WDR35: variants seen among roughly 807,000 people sequenced by gnomAD.
WDR35 encodes the protein WD repeat-containing protein 35.
Under a neutral mutation model 158.3 loss-of-function variants are expected in WDR35, and 118 were observed. The observed-to-expected ratio is 0.75, with a 90% CI of 0.64 to 0.87. The LOEUF (loss-of-function observed/expected upper bound fraction) is 0.87. Among genes scored for constraint, WDR35 ranks in the 40% least tolerant of loss-of-function variants. The pLI is 0.00. For synonymous variants in WDR35, 448 were observed against 476.1 expected (o/e 0.94, Z 0.77); for missense variants, 1,263 against 1,405.8 (o/e 0.90, Z 1.62).
intron 19 of WDR35, among the ~76,000 whole-genome samples, chr2:19,936,593 T>G (rs1004295263): frequency 6.6e-6 from 1 of 152,158 alleles, no homozygotes; most frequent in Non-Finnish European, 1.5e-5. Flanking sequence ...AAACTTAATC[T>G]CCATTGTGGT....
intron 5 of WDR35, 36 bp downstream of exon 5, chr2:19,978,715 T>C (rs1672288413): frequency 6.2e-7 from 1 of 1,613,080 alleles, no homozygotes; most frequent in Non-Finnish European, 8.5e-7. Flanking sequence ...GTCAGCCAGA[T>C]ATTGATCTTA....
chr2:19,988,749 T>G (rs1368843506), intron 2 of WDR35, among the ~76,000 whole-genome samples: 1 of 152,202 alleles, frequency 6.6e-6, no homozygotes, highest in African/African-American at 2.4e-5. Flanking sequence ...GTATCCCATT[T>G]TCTGTTCTTG....
intron 25 of WDR35, among the ~76,000 whole-genome samples, chr2:19,921,444 C>A (rs953737297): frequency 6.6e-6 from 1 of 152,166 alleles, no homozygotes; most frequent in Non-Finnish European, 1.5e-5. Context: ...ACCATCTGAT[C>A]TTTGAGAAAC....
intron 25 of WDR35, among the ~76,000 whole-genome samples, chr2:19,915,517 A>C (rs865927593): frequency 2.0e-5 from 3 of 152,002 alleles, no homozygotes; most frequent in Middle Eastern, 6.9e-3. Context: ...TTGTTCTTTT[A>C]AGTCTAGAAA....
At chr2:19,958,568 G>A (rs535796172) in intron 11 of WDR35, among the ~76,000 whole-genome samples, 123 of 152,250 alleles carry the variant, frequency 8.1e-4, no homozygotes, top group Non-Finnish European at 1.3e-3. Flanking sequence ...TTGATAGTTT[G>A]CTAAATAAAT....
intron 9 of WDR35, among the ~76,000 whole-genome samples, chr2:19,967,680 T>C (rs1182148194): frequency 6.6e-6 from 1 of 152,126 alleles, no homozygotes; most frequent in Non-Finnish European, 1.5e-5. Flanking sequence ...CTAAACCATG[T>C]TTAGCTTTTT....
chr2:19,912,072 A>G lies in WDR35; in HGVS notation c.*1486T>C, dbSNP rs1273198342. The G allele has an allele frequency of 6.6e-6, 1 of 152,214 alleles. No homozygotes were observed. 9.4% of individuals were successfully genotyped at this position (152,214 alleles called of 1,614,324 possible). ...TATTAGGGGAAAGCGTATGTGACAGAATGTGAGTCAGGACATAAAAACATT... is the reference window on the plus strand; with the variant it reads ...TATTAGGGGAAAGCGTATGTGACAGGATGTGAGTCAGGACATAAAAACATT... On this transcript the variant is annotated 3_prime_UTR_variant, in exon 27 of 27. Transcript: ENST00000281405.
In WDR35 at chr2:19,912,394, C is replaced by T. The variant is rs1411070064; in HGVS notation, c.*1164G>A. The T allele has an allele frequency of 6.6e-6, 1 of 152,134 alleles. No homozygotes were observed. The highest frequency in any genetic ancestry group is 1.9e-4 in the East Asian group (1 of 5,192). The allele number at this position is 152,134 out of a possible 1,614,324, so 9.4% of individuals were successfully genotyped here. A position where few individuals can be genotyped will look rare whatever the true frequency, so the allele number is the denominator to read the frequency against. ...TTCTGGTCTTCTCTTTTTATTTAGG[C>T]CAATGAGCCCACTCTCTATCCTAAG... is the stretch of plus-strand genomic sequence containing the variant. On this transcript the variant is annotated 3_prime_UTR_variant, in exon 27 of 27. Coordinates refer to ENST00000281405, the MANE Select transcript of WDR35 (RefSeq NM_020779.4).
intron 9 of WDR35, among the ~76,000 whole-genome samples, chr2:19,968,063 G>C (rs988588882): frequency 2.1e-4 from 32 of 152,100 alleles, no homozygotes; most frequent in Non-Finnish European, 4.6e-4. Context: ...AGGAGTACTG[G>C]TCAAGTATTT....
At chr2:19,962,244 A>G in intron 10 of WDR35, 2 of 1,606,464 alleles carry the variant, frequency 1.2e-6, no homozygotes, top group Non-Finnish European at 1.7e-6. Flanking sequence ...TAACCTCAAA[A>G]CTCATTTTTA....
intron 11 of WDR35, among the ~76,000 whole-genome samples, chr2:19,958,394 T>G (rs972020079): frequency 2.6e-5 from 4 of 152,204 alleles, no homozygotes; most frequent in African/African-American, 9.7e-5. Context: ...ACCATTTACC[T>G]GGCACCTAGA....
chr2:19,943,709 C>G (rs1033607044), intron 16 of WDR35, among the ~76,000 whole-genome samples: 5 of 151,776 alleles, frequency 3.3e-5, no homozygotes, highest in African/African-American at 1.2e-4. Context: ...GAAGGAAGAG[C>G]CAAGAAAAAG....
At chr2:19,959,422 C>CT (rs1238869222) in intron 11 of WDR35, among the ~76,000 whole-genome samples, 1 of 151,918 alleles carries the variant, frequency 6.6e-6, no homozygotes, top group Non-Finnish European at 1.5e-5. Flanking sequence ...TGATGAGAGT[C>CT]TGTTAATAAT....
At chr2:19,929,342 T>C (rs993131777) in intron 25 of WDR35, among the ~76,000 whole-genome samples, 2 of 152,238 alleles carry the variant, frequency 1.3e-5, no homozygotes, top group Non-Finnish European at 2.9e-5. Flanking sequence ...ATCATGCCAT[T>C]GGAATACAGA....
intron 5 of WDR35, 34 bp downstream of exon 5, chr2:19,978,717 T>C (rs1672288538): frequency 1.9e-6 from 3 of 1,613,104 alleles, no homozygotes; most frequent in Admixed American, 1.7e-5. Context: ...CAGCCAGATA[T>C]TGATCTTAGT....
At chr2:19,919,865 T>G (rs1176208651) in intron 25 of WDR35, among the ~76,000 whole-genome samples, 1 of 150,700 alleles carries the variant, frequency 6.6e-6, no homozygotes, top group Non-Finnish European at 1.5e-5. Context: ...GAGAGAAGAA[T>G]CAAATAGATG....
chr2:19,941,925 G>T, intron 16 of WDR35, 86 bp from the exon 17 acceptor site: 2 of 989,872 alleles, frequency 2.0e-6, no homozygotes, highest in Non-Finnish European at 3.0e-6. Flanking sequence ...TATTATCAGA[G>T]TTTTCAGGTA....
intron 10 of WDR35, chr2:19,962,457 CA>C: frequency 1.2e-6 from 1 of 836,244 alleles, no homozygotes; most frequent in Non-Finnish European, 2.0e-6. Context: ...GGAAAATAAT[CA>C]AACGTAATGC....
chr2:19,948,137 C>G (rs1455551854), intron 14 of WDR35, 27 bp downstream of exon 14: 2 of 1,563,126 alleles, frequency 1.3e-6, no homozygotes, highest in Non-Finnish European at 1.7e-6. Context: ...AATTATTATT[C>G]ATAAAATAAG....
Sources: gnomAD v4.1 joint callset for allele counts (sites outside exome capture counted in the v4.1 genomes callset) on GRCh38, gnomAD v4.1.1 for gene constraint, MANE v1.5 for transcripts, NCBI Gene and HGNC (gene_info 2026-07-23, HGNC 2026-07-21) for gene names.